Variants in MNAT1 observed in about 807,000 individuals in gnomAD.
MNAT1 encodes CDK-activating kinase assembly factor MAT1.
In MNAT1, 43 loss-of-function variants were observed where a neutral mutation model predicts 42.0. The observed-to-expected ratio is 1.02, with a 90% CI of 0.80 to 1.32. The LOEUF (loss-of-function observed/expected upper bound fraction) is 1.32. Among genes scored for constraint, MNAT1 ranks in the 40% most tolerant of loss-of-function variants. MNAT1 has a pLI of 0.00. For synonymous variants in MNAT1, 118 were observed against 120.0 expected (o/e 0.98, Z 0.11); for missense variants, 306 against 350.4 (o/e 0.87, Z 1.01).
At chr14:60,934,085 G>A (rs896410016) in intron 7 of MNAT1, among the ~76,000 whole-genome samples, 1 of 152,166 alleles carries the variant, frequency 6.6e-6, no homozygotes, top group African/African-American at 2.4e-5. Flanking sequence ...CTTAGAAAGA[G>A]AGTTTATTGG....
intron 7 of MNAT1, among the ~76,000 whole-genome samples, chr14:60,885,901 T>G (rs1173756545): frequency 1.3e-5 from 2 of 152,082 alleles, no homozygotes; most frequent in African/African-American, 4.8e-5. Flanking sequence ...TTTCAGGTTT[T>G]ATTTTTAAGT....
intron 7 of MNAT1, among the ~76,000 whole-genome samples, chr14:60,887,868 G>A (rs1264923335): frequency 5.9e-5 from 9 of 151,766 alleles, no homozygotes; most frequent in Non-Finnish European, 1.2e-4. Flanking sequence ...TAAATTCCTC[G>A]ACACACACAC....
chr14:60,939,587 G>A (rs572664470), intron 7 of MNAT1, among the ~76,000 whole-genome samples: 1 of 152,310 alleles, frequency 6.6e-6, no homozygotes, highest in East Asian at 1.9e-4. Flanking sequence ...TTGCACTGTG[G>A]TCTGAGAGAC....
chr14:60,751,341 C>G (rs998765854), intron 1 of MNAT1, among the ~76,000 whole-genome samples: 9 of 151,936 alleles, frequency 5.9e-5, no homozygotes, highest in Non-Finnish European at 1.2e-4. Flanking sequence ...TATTAAAAAT[C>G]ATTTTGATCT....
intron 1 of MNAT1, among the ~76,000 whole-genome samples, chr14:60,787,684 T>G (rs1397884612): frequency 1.3e-5 from 2 of 152,338 alleles, no homozygotes; most frequent in Middle Eastern, 6.8e-3. Flanking sequence ...ATGTTATTTC[T>G]GAATCTCTTG....
intron 1 of MNAT1, among the ~76,000 whole-genome samples, chr14:60,786,214 A>G (rs2031645980): frequency 6.6e-6 from 1 of 152,242 alleles, no homozygotes; most frequent in East Asian, 1.9e-4. Context: ...TTAGACAAAC[A>G]TGTAGCATTT....
At chr14:60,778,313 G>T (rs569852437) in intron 1 of MNAT1, among the ~76,000 whole-genome samples, 62 of 152,272 alleles carry the variant, frequency 4.1e-4, no homozygotes, top group African/African-American at 1.5e-3. Context: ...TGTTATCAGA[G>T]TCCTTTCTCT....
chr14:60,773,130 G>C (rs1444016270), intron 1 of MNAT1, among the ~76,000 whole-genome samples: 1 of 151,970 alleles, frequency 6.6e-6, no homozygotes, highest in Non-Finnish European at 1.5e-5. Flanking sequence ...TAGAGATGGG[G>C]GTTTCACCAT....
chr14:60,912,319 A>G (rs1275537776), intron 7 of MNAT1, among the ~76,000 whole-genome samples: 1 of 152,028 alleles, frequency 6.6e-6, no homozygotes. Context: ...TAGCCCATTT[A>G]CATTTAAGGT....
At chr14:60,904,976 CT>C (rs3081651) in intron 7 of MNAT1, among the ~76,000 whole-genome samples, 1,924 of 79,034 alleles carry the variant, frequency 0.024, 95 homozygotes, top group African/African-American at 0.073. Context: ...TCAGCAGTTC[CT>C]TTTTTTTTTT....
rs149429324 is a variant in MNAT1 at position 60,905,849 on chromosome 14, T to C, written c.809+26014T>C. On this transcript the variant is annotated intron_variant, in intron 7 of 7. Coordinates refer to ENST00000261245, the MANE Select transcript of MNAT1 (RefSeq NM_002431.4). ...GTATATTTTGTACTAAGACTTTTGA[T>C]TCAAATGCCAATCTTTTCTGGAAAC... Among the ~76,000 whole-genome samples, 787 of 152,306 alleles carry C rather than the reference T, an allele frequency of 5.2e-3. 14 individuals are homozygous for C. Among genetic ancestry groups the C allele is most frequent in the African/African-American group, 0.018 (738 of 41,566 alleles).
At chr14:60,789,331 T>C (rs1388891113) in intron 1 of MNAT1, among the ~76,000 whole-genome samples, 1 of 152,100 alleles carries the variant, frequency 6.6e-6, no homozygotes, top group Non-Finnish European at 1.5e-5. Flanking sequence ...AGATCACTGA[T>C]CACATAACAC....
At chr14:60,944,789 C>T (rs916107002) in intron 7 of MNAT1, among the ~76,000 whole-genome samples, 1 of 152,134 alleles carries the variant, frequency 6.6e-6, no homozygotes, top group Non-Finnish European at 1.5e-5. Flanking sequence ...CTTTCTAGAA[C>T]TCATAATTTT....
intron 6 of MNAT1, among the ~76,000 whole-genome samples, chr14:60,873,389 T>C (rs1353963128): frequency 6.6e-6 from 1 of 152,114 alleles, no homozygotes; most frequent in Non-Finnish European, 1.5e-5. Flanking sequence ...ATTCAGAAAA[T>C]AGTGCAACAA....
intron 7 of MNAT1, among the ~76,000 whole-genome samples, chr14:60,891,275 T>C (rs954735676): frequency 6.6e-6 from 1 of 152,144 alleles, no homozygotes; most frequent in African/African-American, 2.4e-5. Context: ...GTTGATCTTT[T>C]TGACAGAATC....
intron 6 of MNAT1, among the ~76,000 whole-genome samples, chr14:60,837,687 AC>A (rs760443306): frequency 2.3e-4 from 35 of 152,250 alleles, no homozygotes; most frequent in Non-Finnish European, 3.1e-4. Context: ...CTCTTTTGTT[AC>A]TTTTAATCAG....
At chr14:60,899,087 G>A (rs570576950) in intron 7 of MNAT1, among the ~76,000 whole-genome samples, 1 of 152,022 alleles carries the variant, frequency 6.6e-6, no homozygotes, top group African/African-American at 2.4e-5. Flanking sequence ...CTTTATTTCC[G>A]GGTTCTCTAT....
chr14:60,817,655 A>T (rs1262643495), intron 5 of MNAT1, among the ~76,000 whole-genome samples: 1 of 152,036 alleles, frequency 6.6e-6, no homozygotes. Flanking sequence ...AAAATTATTA[A>T]GTTGCTAGAT....
chr14:60,795,150 C>T (rs1352659615), intron 1 of MNAT1, among the ~76,000 whole-genome samples: 2 of 152,160 alleles, frequency 1.3e-5, no homozygotes, highest in South Asian at 2.1e-4. Flanking sequence ...TTTATCAAAA[C>T]ATTCGAATAT....
Sources: allele counts gnomAD v4.1 joint callset (sites outside exome capture counted in the v4.1 genomes callset), GRCh38; gene constraint gnomAD v4.1.1; transcripts MANE v1.5; gene names NCBI Gene and HGNC (gene_info 2026-07-23, HGNC 2026-07-21).